Variants in CHL1 observed in about 807,000 individuals in gnomAD.
The protein encoded by CHL1 is neural cell adhesion molecule L1-like protein.
In CHL1, 96 loss-of-function variants were observed where a neutral mutation model predicts 141.9. That is an observed-to-expected ratio of 0.68 (90% CI 0.57 to 0.80). The LOEUF is 0.80. Among genes scored for constraint, CHL1 ranks in the 30% least tolerant of loss-of-function variants. CHL1 has a pLI of 0.00. For missense variants in CHL1, 1,820 were observed against 1,457.2 expected, an observed-to-expected ratio of 1.25 and a Z score of -4.05; for synonymous variants, 613 against 502.2, an observed-to-expected ratio of 1.22 and a Z score of -2.95.
chr3:198,580 T>A (rs575101391), intron 1 of CHL1, among the ~76,000 whole-genome samples: 1 of 152,312 alleles, frequency 6.6e-6, no homozygotes, highest in East Asian at 1.9e-4. Flanking sequence ...CCCTCTATAC[T>A]GGGTTGTTGC....
intron 1 of CHL1, among the ~76,000 whole-genome samples, chr3:213,964 G>T (rs1028291674): frequency 6.6e-6 from 1 of 152,046 alleles, no homozygotes; most frequent in African/African-American, 2.4e-5. Flanking sequence ...TAAAACAGGA[G>T]CCCTCCCTAA....
chr3:381,008 C>G (rs931561695), intron 16 of CHL1, among the ~76,000 whole-genome samples: 1 of 152,116 alleles, frequency 6.6e-6, no homozygotes, highest in Non-Finnish European at 1.5e-5. Context: ...CATCATGTTT[C>G]CCAGACTTGG....
chr3:340,871 C>T lies in CHL1; in HGVS notation c.463C>T (p.Pro155Ser). 1 of 1,612,914 alleles carries T rather than the reference C, an allele frequency of 6.2e-7. No homozygotes were observed. Among genetic ancestry groups the T allele is most frequent in the South Asian group, 1.1e-5 (1 of 91,032 alleles). The change falls in exon 6 of 28, where the codon CCT becomes TCT. Residue 155 changes from proline to serine, a missense_variant. Coordinates refer to ENST00000256509, the MANE Select transcript of CHL1 (RefSeq NM_006614.4). Reference protein sequence around the residue: ...EGDPIVLPCNPPKGLPPLHIY... With the variant: ...EGDPIVLPCNSPKGLPPLHIY... Reference sequence around the variant, plus strand: ...AGATCCAATTGTCCTCCCATGCAATCCTCCCAAAGGCCTCCCACCTTTACA... The same window carrying T: ...AGATCCAATTGTCCTCCCATGCAATTCTCCCAAAGGCCTCCCACCTTTACA...
At chr3:311,305 C>G (rs1249579534) in intron 2 of CHL1, among the ~76,000 whole-genome samples, 1 of 151,680 alleles carries the variant, frequency 6.6e-6, no homozygotes, top group East Asian at 1.9e-4. Context: ...AACTGTACTC[C>G]ATTGTGACTG....
intron 23 of CHL1, among the ~76,000 whole-genome samples, chr3:393,030 G>C (rs1362440827): frequency 6.6e-6 from 1 of 152,022 alleles, no homozygotes; most frequent in African/African-American, 2.4e-5. Flanking sequence ...TCAGGAGATC[G>C]AGACCATCCT....
Position 326,005 on chromosome 3 carries a change from C to T in CHL1, c.138C>T (p.Ala46=), listed in dbSNP as rs890487025. 2.5e-6 allele frequency: 4 copies of T among 1,611,876 alleles called. No individual in the cohort carries two copies. The highest frequency in any genetic ancestry group is 1.3e-5 in the African/African-American group (1 of 74,892). Residue 46 remains alanine, a synonymous_variant, in exon 4 of 28, where the codon GCC becomes GCT. Transcript: ENST00000256509. ...TIIKQSKVQV[A]FPFDEYFQIE... is the part of the protein sequence containing the mutation. Reference sequence around the variant, plus strand: ...TAAAACAGTCAAAAGTCCAAGTTGCCTTTCCCTTCGATGAGTATTTTCAAA... The same window carrying T: ...TAAAACAGTCAAAAGTCCAAGTTGCTTTTCCCTTCGATGAGTATTTTCAAA...
intron 18 of CHL1, 92 bp downstream of exon 18, chr3:382,763 G>A (rs749653736): frequency 1.3e-5 from 14 of 1,117,206 alleles, no homozygotes; most frequent in Non-Finnish European, 1.7e-5. Context: ...GAGTAATGTA[G>A]GATTTTAGAT....
At chr3:271,415 G>C (rs912230231) in intron 2 of CHL1, among the ~76,000 whole-genome samples, 4 of 152,098 alleles carry the variant, frequency 2.6e-5, no homozygotes, top group African/African-American at 9.7e-5. Flanking sequence ...CTCCAGCCTG[G>C]GCAATAGAGT....
intron 2 of CHL1, among the ~76,000 whole-genome samples, chr3:277,861 T>G (rs894589202): frequency 1.3e-5 from 2 of 152,248 alleles, no homozygotes; most frequent in Admixed American, 6.5e-5. Flanking sequence ...ATATTTTGCT[T>G]TGCTCTTTTA....
chr3:254,036 C>A (rs1421143849), intron 2 of CHL1, among the ~76,000 whole-genome samples: 1 of 152,170 alleles, frequency 6.6e-6, no homozygotes, highest in Non-Finnish European at 1.5e-5. Flanking sequence ...AATTGGTGGC[C>A]TCCTGGTTCT....
At chr3:265,130 A>G (rs549621254) in intron 2 of CHL1, among the ~76,000 whole-genome samples, 16 of 152,340 alleles carry the variant, frequency 1.1e-4, no homozygotes, top group East Asian at 3.9e-4. Context: ...TTCATAGGAT[A>G]TGTTATTTAA....
Position 377,767 on chromosome 3 carries a change from A to G in CHL1, c.1752-51A>G, listed in dbSNP as rs374838830. The G allele has an allele frequency of 3.0e-5, 44 of 1,470,248 alleles. No homozygotes were observed. In the African/African-American group the frequency reaches 4.4e-4, roughly 15 times the overall value. The allele number at this position is 1,470,248 out of a possible 1,614,324, so 91.1% of individuals were successfully genotyped here. ...GCATTTTTAAAAGAATTGGGTTTCT[A>G]TCATTTCTATTGTTTTCCTTCTCAT... On this transcript the variant is annotated intron_variant, in intron 15 of 27. Coordinates refer to ENST00000256509, the MANE Select transcript of CHL1 (RefSeq NM_006614.4).
At chr3:318,139 C>T (rs1327953273) in intron 2 of CHL1, among the ~76,000 whole-genome samples, 2 of 151,704 alleles carry the variant, frequency 1.3e-5, no homozygotes, top group African/African-American at 4.8e-5. Context: ...ATTTTGTTCT[C>T]AAAGTAAAGC....
chr3:328,759 G>T (rs544432066), intron 5 of CHL1, among the ~76,000 whole-genome samples: 2 of 152,228 alleles, frequency 1.3e-5, no homozygotes, highest in African/African-American at 4.8e-5. Context: ...CCTTCTTGCT[G>T]ATCACAGCTA....
intron 2 of CHL1, among the ~76,000 whole-genome samples, chr3:245,022 G>C (rs577888664): frequency 6.6e-6 from 1 of 152,192 alleles, no homozygotes; most frequent in East Asian, 1.9e-4. Context: ...GAAAAAAATA[G>C]TTTCACCACT....
intron 5 of CHL1, among the ~76,000 whole-genome samples, chr3:333,265 C>G (rs1202141562): frequency 6.6e-6 from 1 of 151,374 alleles, no homozygotes; most frequent in African/African-American, 2.4e-5. Context: ...GAATAGTAAC[C>G]CAACCCAATA....
At chr3:314,630 C>T (rs933975885) in intron 2 of CHL1, among the ~76,000 whole-genome samples, 7 of 151,734 alleles carry the variant, frequency 4.6e-5, no homozygotes, top group Admixed American at 2.0e-4. Context: ...TGCCATTTTA[C>T]GTTTAGTGGC....
chr3:377,035 CTATT>C (rs1376385488), intron 15 of CHL1, among the ~76,000 whole-genome samples: 2 of 152,136 alleles, frequency 1.3e-5, no homozygotes, highest in East Asian at 1.9e-4. Context: ...AAGGATGACA[CTATT>C]TAAGTTATTT....
At position 406,846 on chromosome 3, in the gene CHL1, A is replaced by C. The variant is rs1227608011; in HGVS notation, c.*1135A>C. The C allele has an allele frequency of 6.6e-6, 1 of 152,120 alleles. No individual in the cohort carries two copies. Among genetic ancestry groups the C allele is most frequent in the Non-Finnish European group, 1.5e-5 (1 of 68,008 alleles). The allele number at this position is 152,120 out of a possible 1,614,324, so 9.4% of individuals were successfully genotyped here. On this transcript the variant is annotated 3_prime_UTR_variant, in exon 28 of 28. Coordinates refer to ENST00000256509, the MANE Select transcript of CHL1 (RefSeq NM_006614.4). ...CAGTTTCAAAATAAAATATCATATA[A>C]ATATTGAGGGAAATGTTTTCATATT...
Sources: allele counts gnomAD v4.1 joint callset (sites outside exome capture counted in the v4.1 genomes callset), GRCh38; gene constraint gnomAD v4.1.1; transcripts MANE v1.5; gene names NCBI Gene and HGNC (gene_info 2026-07-23, HGNC 2026-07-21).